The following COBL variants were observed in gnomAD, a reference collection of about 807,000 sequenced individuals.
The protein encoded by COBL is cordon-bleu WH2 repeat protein.
A neutral mutation model predicts 98.8 loss-of-function variants in COBL; 51 were observed. The ratio of observed to expected loss-of-function variants is 0.52; its 90% CI spans 0.41 to 0.65. The LOEUF (loss-of-function observed/expected upper bound fraction) is 0.65. Ranked by LOEUF, COBL falls within the 30% of genes least tolerant of loss-of-function variation. The pLI, the probability that COBL is intolerant of heterozygous loss-of-function variation, is 0.00. For missense variants in COBL, 1,617 were observed against 1,617.5 expected (o/e 1.00, Z 0.01); for synonymous variants, 634 against 651.7 (o/e 0.97, Z 0.41).
At chr7:51,218,621 G>A (rs1793327551) in intron 2 of COBL, among the ~76,000 whole-genome samples, 1 of 151,962 alleles carries the variant, frequency 6.6e-6, no homozygotes, top group African/African-American at 2.4e-5. Context: ...CTACAGGCAT[G>A]CACCTCTATG....
chr7:51,184,800 A>C (rs1789335594), intron 4 of COBL, among the ~76,000 whole-genome samples: 1 of 152,208 alleles, frequency 6.6e-6, no homozygotes, highest in South Asian at 2.1e-4. Context: ...CTGCGACATC[A>C]GTGCAATACA....
chr7:51,031,923 C>T (rs1788201989), intron 8 of COBL: 1 of 152,262 alleles, frequency 6.6e-6, no homozygotes. Context: ...AGACCCTTCC[C>T]AAGGGCCTCC....
chr7:51,118,118 C>T (rs1797439498), intron 6 of COBL, among the ~76,000 whole-genome samples: 1 of 152,280 alleles, frequency 6.6e-6, no homozygotes, highest in Non-Finnish European at 1.5e-5. Flanking sequence ...CCACATAGTT[C>T]TGAATTAGGC....
At chr7:51,300,884 C>A (rs1398357502) in intron 1 of COBL, among the ~76,000 whole-genome samples, 2 of 152,174 alleles carry the variant, frequency 1.3e-5, no homozygotes, top group Non-Finnish European at 2.9e-5. Context: ...GTCATCAGGG[C>A]CCCTGGGATC....
rs547327160 is a variant in COBL at position 51,256,019 on chromosome 7, C to T, written c.42-36075G>A. 1.5e-4 allele frequency among the ~76,000 whole-genome samples: 23 copies of T among 152,258 alleles called. No individual in the cohort carries two copies. In the South Asian group the frequency reaches 4.8e-3, roughly 32 times the overall value. Reference sequence around the variant, plus strand: ...CAAAAGCTTGGTCTCTATTTTTACTCCTTGTTCTAACACACCCATGCTTAA... The same window carrying T: ...CAAAAGCTTGGTCTCTATTTTTACTTCTTGTTCTAACACACCCATGCTTAA... On this transcript the variant is annotated intron_variant, in intron 1 of 12. Transcript: ENST00000265136.
intron 1 of COBL, among the ~76,000 whole-genome samples, chr7:51,225,032 A>G (rs1411818017): frequency 1.3e-5 from 2 of 152,080 alleles, no homozygotes; most frequent in East Asian, 1.9e-4. Flanking sequence ...TGGCCTGTGC[A>G]CGTGGATGGC....
chr7:51,306,596 AG>A (rs766297768), intron 1 of COBL, among the ~76,000 whole-genome samples: 1 of 152,176 alleles, frequency 6.6e-6, no homozygotes, highest in Non-Finnish European at 1.5e-5. Context: ...TCTTGCTTTG[AG>A]GAAGGGGAGT....
intron 1 of COBL, among the ~76,000 whole-genome samples, chr7:51,230,874 C>T (rs936392731): frequency 1.3e-5 from 2 of 152,196 alleles, no homozygotes; most frequent in African/African-American, 4.8e-5. Flanking sequence ...CCCTCACCAG[C>T]CTTCAGTGAG....
At chr7:51,196,189 T>A (rs971099756) in intron 2 of COBL, among the ~76,000 whole-genome samples, 4 of 152,204 alleles carry the variant, frequency 2.6e-5, no homozygotes, top group Admixed American at 6.5e-5. Context: ...CCTAGTTTAT[T>A]CAGAGTTTTT....
intron 12 of COBL, among the ~76,000 whole-genome samples, chr7:51,018,904 AAATATATATATATATATATATATATAT>A (rs1332145139): frequency 2.6e-4 from 14 of 54,686 alleles, no homozygotes; most frequent in African/African-American, 7.9e-4. Context: ...AAAAAAAAAA[AAATATATATATATATATATATATATAT>A]ATATATATAT....
chr7:51,244,521 T>C (rs1169003326), intron 1 of COBL, among the ~76,000 whole-genome samples: 1 of 152,146 alleles, frequency 6.6e-6, no homozygotes, highest in African/African-American at 2.4e-5. Flanking sequence ...ATGCTGCCAT[T>C]TGACAATACA....
intron 1 of COBL, among the ~76,000 whole-genome samples, chr7:51,289,908 A>G (rs1271000634): frequency 2.0e-5 from 3 of 152,320 alleles, no homozygotes; most frequent in South Asian, 2.1e-4. Context: ...TTCATGGCTG[A>G]TATCTCTCCC....
intron 1 of COBL, among the ~76,000 whole-genome samples, chr7:51,271,593 T>C (rs1798765679): frequency 6.6e-6 from 1 of 152,200 alleles, no homozygotes; most frequent in Admixed American, 6.5e-5. Flanking sequence ...AGCTGCTTTA[T>C]AAAATGAGTA....
At chr7:51,303,344 T>C (rs1345190518) in intron 1 of COBL, among the ~76,000 whole-genome samples, 1 of 152,134 alleles carries the variant, frequency 6.6e-6, no homozygotes, top group East Asian at 1.9e-4. Flanking sequence ...CCAGATTGCC[T>C]GACTCAGGAG....
intron 5 of COBL, among the ~76,000 whole-genome samples, chr7:51,180,609 C>T (rs570575112): frequency 2.0e-5 from 3 of 152,304 alleles, no homozygotes; most frequent in African/African-American, 7.2e-5. Context: ...TACAAATAAA[C>T]TGGTTCTACT....
chr7:51,248,557 T>C (rs1335089002), intron 1 of COBL, among the ~76,000 whole-genome samples: 2 of 152,228 alleles, frequency 1.3e-5, no homozygotes, highest in African/African-American at 2.4e-5. Flanking sequence ...TTTGAGTGCA[T>C]GTAAATTACA....
In COBL at chr7:51,099,825, A is replaced by G. The variant is rs141190461; in HGVS notation, c.958-14521T>C. 4.7e-3 allele frequency among the ~76,000 whole-genome samples: 723 copies of G among 152,314 alleles called. 4 individuals are homozygous for G. Among genetic ancestry groups the G allele is most frequent in the Non-Finnish European group, 7.2e-3 (491 of 68,026 alleles). On this transcript the variant is annotated intron_variant, in intron 6 of 12. Transcript: ENST00000265136. ...TTCGGTTTGTGATAATATCACCAGA[A>G]TTCTTTCAAATAAATGGATATGAAA...
At chr7:51,303,514 A>G (rs1261906949) in intron 1 of COBL, among the ~76,000 whole-genome samples, 1 of 152,230 alleles carries the variant, frequency 6.6e-6, no homozygotes, top group Non-Finnish European at 1.5e-5. Flanking sequence ...AGGGAGCCAC[A>G]GAAACAGAGG....
chr7:51,073,492 C>A, intron 7 of COBL: 2 of 511,198 alleles, frequency 3.9e-6, no homozygotes, highest in Admixed American at 3.2e-5. Flanking sequence ...CACTGCATAG[C>A]AAGCGTTCTA....
Sources: gnomAD v4.1 joint callset for allele counts (sites outside exome capture counted in the v4.1 genomes callset) on GRCh38, gnomAD v4.1.1 for gene constraint, MANE v1.5 for transcripts, NCBI Gene and HGNC (gene_info 2026-07-23, HGNC 2026-07-21) for gene names.